DYRK2: variants seen among roughly 807,000 people sequenced by gnomAD.
The protein encoded by DYRK2 is dual specificity tyrosine-phosphorylation-regulated kinase 2.
DYRK2 carries 12 observed loss-of-function variants against 41.6 expected under a neutral mutation model. The ratio of observed to expected loss-of-function variants is 0.29; its 90% confidence interval spans 0.18 to 0.47. The LOEUF is 0.47. Ranked by LOEUF, DYRK2 falls within the 20% of genes least tolerant of loss-of-function variation. The pLI is 1.00. For missense variants in DYRK2, 678 were observed against 798.4 expected (o/e 0.85, Z 1.82); for synonymous variants, 322 against 315.7 (o/e 1.02, Z -0.21).
Position 67,649,034 on chromosome 12 carries a change from C to T in DYRK2, c.-100C>T, listed in dbSNP as rs1565801459. ...GGCGACGAGGCGCCGGGGACCCGCG[C>T]GAGGGGCGGCCGGGAGGCGGCGGCG... is the stretch of plus-strand genomic sequence containing the variant. On this transcript the variant is annotated 5_prime_UTR_variant, in exon 1 of 3. Transcript: ENST00000344096. 2 of 1,059,334 alleles carry T rather than the reference C, an allele frequency of 1.9e-6. No homozygotes were observed. Among genetic ancestry groups the T allele is most frequent in the South Asian group, 4.5e-5 (2 of 44,302 alleles). The allele number at this position is 1,059,334 out of a possible 1,614,324, so 65.6% of individuals were successfully genotyped here. A position where few individuals can be genotyped will look rare whatever the true frequency, so the allele number is the denominator to read the frequency against.
At chr12:67,650,673 G>A (rs1353248049) in intron 2 of DYRK2, among the ~76,000 whole-genome samples, 2 of 152,338 alleles carry the variant, frequency 1.3e-5, no homozygotes, top group Admixed American at 1.3e-4. Context: ...CGTGGGACTG[G>A]TTGCTGGTGG....
chr12:67,649,649 G>T (rs1872248890), intron 1 of DYRK2, 148 bp from the exon 2 acceptor site: 3 of 915,388 alleles, frequency 3.3e-6, no homozygotes, highest in Admixed American at 4.3e-5. Flanking sequence ...GGGGAGCCGT[G>T]ACCCGAACGC....
intron 2 of DYRK2, among the ~76,000 whole-genome samples, chr12:67,656,817 A>G (rs1297973036): frequency 6.6e-6 from 1 of 152,094 alleles, no homozygotes; most frequent in Non-Finnish European, 1.5e-5. Context: ...GATTGAGTGG[A>G]ACACCTATGA....
chr12:67,654,865 C>A (rs566532431), intron 2 of DYRK2, among the ~76,000 whole-genome samples: 1 of 152,086 alleles, frequency 6.6e-6, no homozygotes, highest in Non-Finnish European at 1.5e-5. Context: ...GGAACAAATG[C>A]GCAAACATCA....
At position 67,649,173 on chromosome 12, in the gene DYRK2, T is replaced by C. The variant is rs1170623892; in HGVS notation, c.40T>C (p.Tyr14His). ...ACCTTCGGCCGCCGCTCCCGCCGCC[T>C]ACCCGACCGGTAAGGAGGCCGTGCC... ...RKPSAAAPAA[Y>H]PTGRGGDSAV... The change falls in exon 1 of 3, where the codon TAC (tyrosine) becomes CAC (histidine). Residue 14 changes from tyrosine to histidine, a missense_variant. Tyr to His is a moderately conservative substitution (Grantham distance 83, BLOSUM62 2). Around this residue, in one of 2 missense-constraint regions of DYRK2, gnomAD observed 285 missense variants for 279.2 expected, o/e 1.02. Coordinates refer to ENST00000344096, the MANE Select transcript of DYRK2 (RefSeq NM_006482.3). 3 of 1,508,884 alleles carry C rather than the reference T, an allele frequency of 2.0e-6. No individual in the cohort carries two copies. In the East Asian group the frequency reaches 8.6e-5, roughly 43 times the overall value. 93.5% of individuals were successfully genotyped at this position (1,508,884 alleles called of 1,614,324 possible). A position where few individuals can be genotyped will look rare whatever the true frequency, so the allele number is the denominator to read the frequency against.
At chr12:67,650,470 T>C (rs1872288002) in intron 2 of DYRK2, among the ~76,000 whole-genome samples, 1 of 152,190 alleles carries the variant, frequency 6.6e-6, no homozygotes, top group African/African-American at 2.4e-5. Flanking sequence ...TTATGAGTGC[T>C]ACAGGTTTGA....
chr12:67,662,229 A>G lies in DYRK2; in HGVS notation c.*3516A>G, dbSNP rs901108188. 18 of 167,124 alleles carry G rather than the reference A, an allele frequency of 1.1e-4. No individual in the cohort carries two copies. The highest frequency in any genetic ancestry group is 4.3e-4 in the African/African-American group (18 of 41,570). 10.4% of individuals were successfully genotyped at this position (167,124 alleles called of 1,614,324 possible). Reference sequence around the variant, plus strand: ...TTAATATTGCCCAACATAATGCTGTAATAGCATTAAAAAAAGTATTTGTGA... The same window carrying G: ...TTAATATTGCCCAACATAATGCTGTGATAGCATTAAAAAAAGTATTTGTGA... On this transcript the variant is annotated 3_prime_UTR_variant, in exon 3 of 3. Transcript: ENST00000344096.
chr12:67,650,156 C>T (rs936199571), intron 2 of DYRK2, among the ~76,000 whole-genome samples: 1 of 152,234 alleles, frequency 6.6e-6, no homozygotes, highest in Non-Finnish European at 1.5e-5. Flanking sequence ...GTGGCGTGGG[C>T]CCCTTACTTC....
chr12:67,652,066 T>G (rs1235863265), intron 2 of DYRK2, among the ~76,000 whole-genome samples: 2 of 152,150 alleles, frequency 1.3e-5, no homozygotes, highest in African/African-American at 4.8e-5. Flanking sequence ...GGGAGGGCAT[T>G]AAGGAGATAA....
rs936985783 is a variant in DYRK2 at position 67,660,396 on chromosome 12, T to C, written c.*1683T>C. On this transcript the variant is annotated 3_prime_UTR_variant, in exon 3 of 3. Coordinates refer to ENST00000344096, the MANE Select transcript of DYRK2 (RefSeq NM_006482.3). ...AAGGTTTGAAAAAAACACTTTAATT[T>C]AGGCTTCGTTGGTTGATGGTGGAAA... 1 of 167,002 alleles carries C rather than the reference T, an allele frequency of 6.0e-6. No homozygotes were observed. The allele number at this position is 167,002 out of a possible 1,614,324, so 10.3% of individuals were successfully genotyped here.
In DYRK2 at chr12:67,664,728, GT is replaced by G. The variant is rs1872705050; in HGVS notation, c.*6018del. The G allele has an allele frequency of 6.6e-6, 1 of 152,142 alleles. No homozygotes were observed. Among genetic ancestry groups the G allele is most frequent in the Admixed American group, 6.5e-5 (1 of 15,272 alleles). The allele number at this position is 152,142 out of a possible 1,614,324, so 9.4% of individuals were successfully genotyped here. A position where few individuals can be genotyped will look rare whatever the true frequency, so the allele number is the denominator to read the frequency against. On this transcript the variant is annotated 3_prime_UTR_variant, in exon 3 of 3. Transcript: ENST00000344096. ...TTTCTATTATTTAAGTTACATATCA[GT>G]TTCCAGGAATATTTTTCAAATGGGA...
chr12:67,657,819 G>A lies in DYRK2; in HGVS notation c.912G>A (p.Leu304=). 2.5e-6 allele frequency: 4 copies of A among 1,614,228 alleles called. No homozygotes were observed. Among genetic ancestry groups the A allele is most frequent in the Non-Finnish European group, 3.4e-6 (4 of 1,180,048 alleles). ...RNHICMTFEL[L]SMNLYELIKK... ...ACATCTGCATGACGTTTGAGCTGCT[G>A]AGCATGAACCTCTATGAGCTCATCA... The change falls in exon 3 of 3, where the codon CTG becomes CTA. Residue 304 remains leucine, a synonymous_variant. Coordinates refer to ENST00000344096, the MANE Select transcript of DYRK2 (RefSeq NM_006482.3). This position sits in a 1 kb window ranked among gnomAD's most constrained non-coding sequence, Gnocchi z 4.8.
Position 67,661,159 on chromosome 12 carries a change from A to G in DYRK2, c.*2446A>G, listed in dbSNP as rs1362627372. 2 of 166,524 alleles carry G rather than the reference A, an allele frequency of 1.2e-5. No homozygotes were observed. Among genetic ancestry groups the G allele is most frequent in the Non-Finnish European group, 2.9e-5 (2 of 68,078 alleles). The allele number at this position is 166,524 out of a possible 1,614,324, so 10.3% of individuals were successfully genotyped here. A position where few individuals can be genotyped will look rare whatever the true frequency, so the allele number is the denominator to read the frequency against. The stretch of plus-strand genomic sequence containing the variant: ...TTATTCACAAGAGCTGCCACATCTC[A>G]GCATTTAGTAATAGAGCTGCTTTAA... On this transcript the variant is annotated 3_prime_UTR_variant, in exon 3 of 3. Transcript: ENST00000344096.
At position 67,657,666 on chromosome 12, in the gene DYRK2, G is replaced by A; in HGVS notation, c.759G>A (p.Val253=). ...KVHQHVALKM[V]RNEKRFHRQA... ...ACCAGCACGTGGCCCTAAAGATGGT[G>A]CGGAATGAGAAGCGCTTCCACCGGC... Residue 253 remains valine (V), a synonymous_variant, in exon 3 of 3, where the codon GTG becomes GTA. Transcript: ENST00000344096. This position sits in a 1 kb window ranked among gnomAD's most constrained non-coding sequence, Gnocchi z 4.8. 6.2e-7 allele frequency: 1 copy of A among 1,613,858 alleles called. No individual in the cohort carries two copies. Among genetic ancestry groups the A allele is most frequent in the Middle Eastern group, 1.6e-4 (1 of 6,062 alleles).
chr12:67,649,651 C>A, intron 1 of DYRK2, 146 bp from the exon 2 acceptor site: 1 of 945,014 alleles, frequency 1.1e-6, no homozygotes, highest in Non-Finnish European at 1.4e-6. Flanking sequence ...GGAGCCGTGA[C>A]CCGAACGCCC....
chr12:67,657,144 T>A lies in DYRK2; in HGVS notation c.237T>A (p.His79Gln), dbSNP rs748856707. 13 of 1,584,872 alleles carry A rather than the reference T, an allele frequency of 8.2e-6. No homozygotes were observed. The South Asian group carries it at 1.5e-4, about 18-fold the overall frequency. ...AGCACACAATGAATGATCACCTGCA[T>A]GTCGGCAGCCACGCTCACGGACAGA... ...GSKHTMNDHL[H>Q]VGSHAHGQIQ... Residue 79 changes from histidine (H) to glutamine (Q), a missense_variant, in exon 3 of 3, where the codon CAT (histidine) becomes CAA (glutamine). Coordinates refer to ENST00000344096, the MANE Select transcript of DYRK2 (RefSeq NM_006482.3). The surrounding 1 kb of genome is among the most constrained non-coding windows in gnomAD (Gnocchi z 4.8).
At position 67,649,912 on chromosome 12, in the gene DYRK2, C is replaced by A; in HGVS notation, c.165C>A (p.Leu55=). ...GPPSPIALPP[L]RASNAAAAAH... is the part of the protein sequence containing the mutation. ...CCTCCCCCATCGCCCTGCCGCCTCT[C>A]CGGGCCAGCAACGCTGCCGCCGCAG... The change falls in exon 2 of 3, where the codon CTC becomes CTA. Residue 55 remains leucine (L), a synonymous_variant. Coordinates refer to ENST00000344096, the MANE Select transcript of DYRK2 (RefSeq NM_006482.3). 7.2e-7 allele frequency: 1 copy of A among 1,385,450 alleles called. No homozygotes were observed. The highest frequency in any genetic ancestry group is 3.4e-5 in the Admixed American group (1 of 29,300). 85.8% of individuals were successfully genotyped at this position (1,385,450 alleles called of 1,614,324 possible). A position where few individuals can be genotyped will look rare whatever the true frequency, so the allele number is the denominator to read the frequency against.
rs1872707062 is a variant in DYRK2 at position 67,664,818 on chromosome 12, G to A, written c.*6105G>A. ...AAGTGCACCTAATAACTTAATGCAT[G>A]TGCACACACCCTCAGTTAATTTGTA... On this transcript the variant is annotated 3_prime_UTR_variant, in exon 3 of 3. Transcript: ENST00000344096. 1 of 152,160 alleles carries A rather than the reference G, an allele frequency of 6.6e-6. No individual in the cohort carries two copies. Among genetic ancestry groups the A allele is most frequent in the South Asian group, 2.1e-4 (1 of 4,824 alleles). The allele number at this position is 152,160 out of a possible 1,614,324, so 9.4% of individuals were successfully genotyped here.
At chr12:67,652,932 C>T (rs1259497448) in intron 2 of DYRK2, among the ~76,000 whole-genome samples, 2 of 152,142 alleles carry the variant, frequency 1.3e-5, no homozygotes, top group East Asian at 3.9e-4. Flanking sequence ...GGGGTTCAAG[C>T]GATTCTCTTG....
Sources: allele counts gnomAD v4.1 joint callset (sites outside exome capture counted in the v4.1 genomes callset), GRCh38; gene constraint gnomAD v4.1.1; regional missense constraint gnomAD v4.1.1; non-coding constraint Gnocchi (gnomAD v3.1); transcripts MANE v1.5; gene names NCBI Gene and HGNC (gene_info 2026-07-23, HGNC 2026-07-21).